The following P4HA1 variants were observed in gnomAD, a reference collection of about 807,000 sequenced individuals.
P4HA1 encodes the protein prolyl 4-hydroxylase subunit alpha-1.
Under a neutral mutation model 72.8 loss-of-function variants are expected in P4HA1, and 24 were observed. The observed-to-expected ratio is 0.33, with a 90% CI of 0.24 to 0.46. The LOEUF is 0.46. Among genes scored for constraint, P4HA1 ranks in the 20% least tolerant of loss-of-function variants. The probability of loss-of-function intolerance (pLI) is 1.00; values close to 1 mark genes in which losing one functional copy is unlikely to be tolerated. For missense variants in P4HA1, 446 were observed against 640.6 expected (o/e 0.70, Z 3.28); for synonymous variants, 201 against 218.8 (o/e 0.92, Z 0.72).
rs1840551427 is a variant in P4HA1, at chr10:73,035,617, T to TGTATATACAATATACAA, written c.1149-5248_1149-5247insTTGTATATTGTATATAC. Among the ~76,000 whole-genome samples the TGTATATACAATATACAA allele has an allele frequency of 1.3e-5, 2 of 152,226 alleles. 1 individual carries two copies. Among genetic ancestry groups the TGTATATACAATATACAA allele is most frequent in the South Asian group, 4.1e-4 (2 of 4,830 alleles). On this transcript the variant is annotated intron_variant, in intron 9 of 14. Coordinates refer to ENST00000394890, the MANE Select transcript of P4HA1 (RefSeq NM_001017962.3). The stretch of plus-strand genomic sequence containing the variant: ...TTAAATAATAGGTTATTTCTAATTT[T>TGTATATACAATATACAA]TCTCTGTTATAAACAATATTGTAAC...
At chr10:73,035,496 A>G (rs1199247659) in intron 9 of P4HA1, among the ~76,000 whole-genome samples, 1 of 152,192 alleles carries the variant, frequency 6.6e-6, no homozygotes, top group African/African-American at 2.4e-5. Context: ...AGCCTTGGCA[A>G]CAGAATGAGA....
intron 5 of P4HA1, among the ~76,000 whole-genome samples, chr10:73,068,022 G>A (rs1841468039): frequency 6.6e-6 from 1 of 152,076 alleles, no homozygotes; most frequent in South Asian, 2.1e-4. Flanking sequence ...GCGTTATAAT[G>A]TATAATATTA....
intron 1 of P4HA1, among the ~76,000 whole-genome samples, chr10:73,094,913 CAATGT>C (rs1327577707): frequency 2.6e-5 from 4 of 152,018 alleles, no homozygotes; most frequent in Non-Finnish European, 4.4e-5. Context: ...ACAAAATGGC[CAATGT>C]AATTATCCGC....
intron 5 of P4HA1, among the ~76,000 whole-genome samples, chr10:73,068,050 G>A (rs936869121): frequency 2.0e-5 from 3 of 152,118 alleles, no homozygotes; most frequent in African/African-American, 7.2e-5. Flanking sequence ...CTGAAAATTT[G>A]CAAATTTGTA....
chr10:73,025,465 C>G (rs1307102084), intron 10 of P4HA1, among the ~76,000 whole-genome samples: 1 of 152,084 alleles, frequency 6.6e-6, no homozygotes, highest in African/African-American at 2.4e-5. Flanking sequence ...GAACATATCT[C>G]AAAATAATAA....
intron 5 of P4HA1, among the ~76,000 whole-genome samples, chr10:73,056,244 T>C (rs1255232998): frequency 1.3e-5 from 2 of 152,234 alleles, no homozygotes; most frequent in African/African-American, 2.4e-5. Context: ...GGCAGATATA[T>C]CAATTTAATG....
chr10:73,086,873 G>A (rs1841933032), intron 1 of P4HA1, among the ~76,000 whole-genome samples: 1 of 146,970 alleles, frequency 6.8e-6, no homozygotes, highest in South Asian at 2.1e-4. Flanking sequence ...GGTGGAGGTT[G>A]CAGTGAGCCG....
At chr10:73,022,009 C>G (rs976381355) in intron 10 of P4HA1, among the ~76,000 whole-genome samples, 1 of 152,244 alleles carries the variant, frequency 6.6e-6, no homozygotes, top group Non-Finnish European at 1.5e-5. Context: ...GGGCGGAGCC[C>G]ACCACAGCTC....
chr10:73,083,563 T>C (rs1841866655), intron 1 of P4HA1, among the ~76,000 whole-genome samples: 1 of 152,208 alleles, frequency 6.6e-6, no homozygotes, highest in Non-Finnish European at 1.5e-5. Context: ...TAAGATGAGA[T>C]CATTTCAAAA....
rs1317397025 is a variant in P4HA1, at chr10:73,093,862, A to T, written c.-33+2904T>A. ...CATCTCAAAAAAAAAAAAAAAAAAA[A>T]AAAAAAAAAAAATATATATATATAT... On this transcript the variant is annotated intron_variant, in intron 1 of 14. Transcript: ENST00000394890. Among the ~76,000 whole-genome samples, 416 of 73,108 alleles carry T rather than the reference A, an allele frequency of 5.7e-3. 4 individuals carry two copies. Among genetic ancestry groups the T allele is most frequent in the African/African-American group, 0.027 (397 of 14,910 alleles). 48.0% of individuals were successfully genotyped at this position (73,108 alleles called of 152,430 possible).
chr10:73,030,720 G>A (rs1430232994), intron 9 of P4HA1, among the ~76,000 whole-genome samples: 3 of 152,138 alleles, frequency 2.0e-5, no homozygotes, highest in Non-Finnish European at 4.4e-5. Context: ...GTTCTTTCCA[G>A]GTAAGGTATA....
chr10:73,088,706 C>T (rs1262599395), intron 1 of P4HA1, among the ~76,000 whole-genome samples: 2 of 152,170 alleles, frequency 1.3e-5, no homozygotes, highest in Non-Finnish European at 2.9e-5. Context: ...TACTTGGTGC[C>T]CAAATAAAAC....
Position 73,031,399 on chromosome 10 carries a change from C to T in P4HA1, c.1149-1029G>A, listed in dbSNP as rs191438548. ...ACTCTGGCAGCTGAAGCAAGAGAGC[C>T]GCTTGAGCATGGGAGTTTGAGGCTG... On this transcript the variant is annotated intron_variant, in intron 9 of 14. Coordinates refer to ENST00000394890, the MANE Select transcript of P4HA1 (RefSeq NM_001017962.3). 4.7e-3 allele frequency among the ~76,000 whole-genome samples: 717 copies of T among 152,238 alleles called. 7 individuals are homozygous for T. The highest frequency in any genetic ancestry group is 0.016 in the African/African-American group (672 of 41,528).
rs58710242 is a variant in P4HA1, at chr10:73,069,023, C to T, written c.326-40G>A. ...ATCAAAGAAAAAAAAACTGTAGAAC[C>T]TCATAAACTTCCCATAAAGAGACTT... On this transcript the variant is annotated intron_variant, in intron 4 of 14. Coordinates refer to ENST00000394890, the MANE Select transcript of P4HA1 (RefSeq NM_001017962.3). The T allele has an allele frequency of 2.0e-3, 2,852 of 1,449,644 alleles. 43 individuals are homozygous for T. In the African/African-American group the frequency reaches 0.034, roughly 17 times the overall value. 89.8% of individuals were successfully genotyped at this position (1,449,644 alleles called of 1,614,324 possible).
In P4HA1 at chr10:73,096,152, G is replaced by C. The variant is rs193284705; in HGVS notation, c.-33+614C>G. ...CCTCGGCGCTACGAGCAGAAAGCTC[G>C]GCGCCCCGGGCTACGTCTGGCAGCT... On this transcript the variant is annotated intron_variant, in intron 1 of 14. Transcript: ENST00000394890. 2.6e-4 allele frequency among the ~76,000 whole-genome samples: 39 copies of C among 152,342 alleles called. 1 individual carries two copies. The East Asian group carries it at 6.8e-3, about 26-fold the overall frequency.
intron 11 of P4HA1, among the ~76,000 whole-genome samples, 195 bp downstream of exon 11, chr10:73,016,651 C>T (rs1295210860): frequency 6.6e-6 from 1 of 152,174 alleles, no homozygotes. Context: ...GTGGCGCATG[C>T]CTGTGATCCC....
chr10:73,014,712 T>G (rs1839977747), intron 11 of P4HA1, among the ~76,000 whole-genome samples: 1 of 152,228 alleles, frequency 6.6e-6, no homozygotes, highest in African/African-American at 2.4e-5. Flanking sequence ...CAATTTTAGC[T>G]TCTAAAAAAT....
At chr10:73,057,943 TA>T (rs1217620570) in intron 5 of P4HA1, among the ~76,000 whole-genome samples, 7 of 151,468 alleles carry the variant, frequency 4.6e-5, no homozygotes. Context: ...TACAAAAAAT[TA>T]GCCGGGCATG....
At chr10:73,077,878 A>G (rs1215148649) in intron 1 of P4HA1, among the ~76,000 whole-genome samples, 2 of 151,492 alleles carry the variant, frequency 1.3e-5, no homozygotes, top group African/African-American at 4.9e-5. Context: ...GGTCCCAGCT[A>G]CTTGGGAGGC....
Sources: gnomAD v4.1 joint callset for allele counts (sites outside exome capture counted in the v4.1 genomes callset) on GRCh38, gnomAD v4.1.1 for gene constraint, MANE v1.5 for transcripts, NCBI Gene and HGNC (gene_info 2026-07-23, HGNC 2026-07-21) for gene names.